Variants in PARM1 observed in about 807,000 individuals in gnomAD.
PARM1 encodes prostate androgen-regulated mucin-like protein 1.
Under a neutral mutation model 24.6 loss-of-function variants are expected in PARM1, and 14 were observed. That is an observed-to-expected ratio of 0.57 (90% CI 0.38 to 0.89). The LOEUF (loss-of-function observed/expected upper bound fraction) is 0.89. PARM1 is among the 40% of genes least tolerant of loss of function. PARM1 has a pLI of 0.00. For synonymous variants in PARM1, 179 were observed against 156.6 expected (o/e 1.14, Z -1.07); for missense variants, 362 against 380.4 (o/e 0.95, Z 0.40).
At chr4:74,996,265 T>G (rs2109783323) in intron 1 of PARM1, among the ~76,000 whole-genome samples, 1 of 152,274 alleles carries the variant, frequency 6.6e-6, no homozygotes, top group African/African-American at 2.4e-5. Context: ...TGAATATTGG[T>G]GCTGTGAGGG....
At chr4:75,039,697 A>G (rs1723443089) in intron 3 of PARM1, among the ~76,000 whole-genome samples, 1 of 152,030 alleles carries the variant, frequency 6.6e-6, no homozygotes, top group South Asian at 2.1e-4. Context: ...ACCCGCTTCT[A>G]ACACTCCAGT....
chr4:75,026,516 G>A (rs1723185701), intron 2 of PARM1, among the ~76,000 whole-genome samples: 1 of 152,142 alleles, frequency 6.6e-6, no homozygotes, highest in African/African-American at 2.4e-5. Context: ...ACTGTCATCG[G>A]GATGAGTTCC....
At chr4:75,044,025 C>T (rs1206746571) in intron 3 of PARM1, among the ~76,000 whole-genome samples, 1 of 146,374 alleles carries the variant, frequency 6.8e-6, no homozygotes, top group African/African-American at 2.6e-5. Flanking sequence ...GAAACGAGCA[C>T]AGCAAAGGTC....
chr4:75,030,176 A>T (rs1268245707), intron 2 of PARM1, among the ~76,000 whole-genome samples: 7 of 152,214 alleles, frequency 4.6e-5, no homozygotes, highest in African/African-American at 1.7e-4. Context: ...ATTTAGCTAG[A>T]TAGTGAAGAA....
At chr4:75,032,228 T>G (rs770586759) in intron 2 of PARM1, among the ~76,000 whole-genome samples, 1 of 152,236 alleles carries the variant, frequency 6.6e-6, no homozygotes, top group Non-Finnish European at 1.5e-5. Context: ...TTTGCAGACA[T>G]GACAAGCTCT....
chr4:75,014,953 C>T (rs565300268), intron 2 of PARM1, among the ~76,000 whole-genome samples: 97 of 152,206 alleles, frequency 6.4e-4, no homozygotes, highest in African/African-American at 2.2e-3. Flanking sequence ...GACTTTGATG[C>T]GATATCTTAA....
At chr4:74,971,416 T>C (rs1324084261) in intron 1 of PARM1, among the ~76,000 whole-genome samples, 1 of 152,074 alleles carries the variant, frequency 6.6e-6, no homozygotes, top group Non-Finnish European at 1.5e-5. Flanking sequence ...TCAAGATGAG[T>C]TTTGAGTGGG....
In PARM1 at chr4:74,941,465, CAG is replaced by C. The variant is rs765198781; in HGVS notation, c.43+8096_43+8097del. On this transcript the variant is annotated intron_variant, in intron 1 of 3. Transcript: ENST00000307428. ...CCAAGAAAACATCAAATGGCTGAAT[CAG>C]GGGAGCAGGAGGAGGATTAAAATTA... 3.3e-5 allele frequency among the ~76,000 whole-genome samples: 5 copies of C among 152,250 alleles called. 1 individual carries two copies.
At chr4:75,007,582 C>T (rs1182431618) in intron 1 of PARM1, among the ~76,000 whole-genome samples, 1 of 152,164 alleles carries the variant, frequency 6.6e-6, no homozygotes, top group African/African-American at 2.4e-5. Context: ...TAGGCCCTCC[C>T]TAGCTCTAAA....
intron 1 of PARM1, among the ~76,000 whole-genome samples, chr4:74,936,451 TTG>T (rs200729511): frequency 7.3e-5 from 9 of 123,650 alleles, no homozygotes; most frequent in South Asian, 2.7e-4. Context: ...TTTTTTTTGT[TTG>T]TTTTTTTGTT....
intron 2 of PARM1, among the ~76,000 whole-genome samples, chr4:75,015,770 C>T (rs1722973395): frequency 6.6e-6 from 1 of 152,200 alleles, no homozygotes. Context: ...GGCCCAGTGG[C>T]AGCATTGGGC....
chr4:75,013,563 T>A (rs1038233150), intron 2 of PARM1, among the ~76,000 whole-genome samples: 1 of 152,250 alleles, frequency 6.6e-6, no homozygotes, highest in Non-Finnish European at 1.5e-5. Context: ...ACACAGTTCT[T>A]GTGGAGATTA....
chr4:75,005,835 C>T (rs1722759315), intron 1 of PARM1, among the ~76,000 whole-genome samples: 2 of 152,202 alleles, frequency 1.3e-5, no homozygotes, highest in African/African-American at 4.8e-5. Flanking sequence ...TATCTGTAAA[C>T]TTACAAGGAG....
chr4:74,979,473 C>T (rs1341139959), intron 1 of PARM1, among the ~76,000 whole-genome samples: 2 of 152,052 alleles, frequency 1.3e-5, no homozygotes, highest in Non-Finnish European at 2.9e-5. Context: ...AAATAAATAG[C>T]CTACCAACCA....
intron 1 of PARM1, among the ~76,000 whole-genome samples, chr4:74,997,110 A>C (rs529239165): frequency 3.2e-4 from 49 of 152,302 alleles, no homozygotes; most frequent in African/African-American, 1.1e-3. Context: ...CCTCCTGCAG[A>C]GACCTGACTC....
chr4:75,027,969 G>A (rs1246438770), intron 2 of PARM1, among the ~76,000 whole-genome samples: 1 of 152,174 alleles, frequency 6.6e-6, no homozygotes, highest in African/African-American at 2.4e-5. Flanking sequence ...ATGGACTCTC[G>A]AACCTGTGCT....
chr4:74,961,715 C>T (rs1006253095), intron 1 of PARM1, among the ~76,000 whole-genome samples: 3 of 152,182 alleles, frequency 2.0e-5, no homozygotes, highest in African/African-American at 7.2e-5. Flanking sequence ...AATCCTATAT[C>T]TGTCAAAACT....
At chr4:74,986,200 A>C (rs1368808060) in intron 1 of PARM1, among the ~76,000 whole-genome samples, 1 of 152,222 alleles carries the variant, frequency 6.6e-6, no homozygotes, top group Non-Finnish European at 1.5e-5. Context: ...AAAGCTTGCT[A>C]AAATCTTTCC....
chr4:75,019,490 A>G (rs1182082429), intron 2 of PARM1, among the ~76,000 whole-genome samples: 1 of 152,232 alleles, frequency 6.6e-6, no homozygotes, highest in Non-Finnish European at 1.5e-5. Flanking sequence ...GGTGAAGACC[A>G]TTGAACATTA....
Sources: allele counts gnomAD v4.1 joint callset (sites outside exome capture counted in the v4.1 genomes callset), GRCh38; gene constraint gnomAD v4.1.1; transcripts MANE v1.5; gene names NCBI Gene and HGNC (gene_info 2026-07-23, HGNC 2026-07-21).